Variants in ENTREP3 observed in about 807,000 individuals in gnomAD.
ENTREP3 encodes the protein endosomal transmembrane epsin interactor 3, also known as protein ENTREP3.
chr1:155,253,888 T>G, the ENTREP3 span: 1 of 1,612,800 alleles, frequency 6.2e-7, no homozygotes, highest in Non-Finnish European at 8.5e-7. Context: ...TCATCACAGG[T>G]GGAGTTAGGG....
At chr1:155,254,240 A>T in the ENTREP3 span, 8 of 1,522,310 alleles carry the variant, frequency 5.3e-6, no homozygotes, top group Non-Finnish European at 7.3e-6. The surrounding 1 kb of genome is among the most constrained non-coding windows in gnomAD (Gnocchi z 4.4). Context: ...CCTCATGAGT[A>T]CTCCTCTGCC....
chr1:155,255,108 G>C, the ENTREP3 span: 1 of 593,090 alleles, frequency 1.7e-6, no homozygotes, highest in Non-Finnish European at 3.0e-6. This position sits in a 1 kb window ranked among gnomAD's most constrained non-coding sequence, Gnocchi z 5.6. Context: ...GCACTGGACG[G>C]GCACCGTGCC....
At chr1:155,250,362 T>C in the ENTREP3 span, 1 of 1,316,376 alleles carries the variant, frequency 7.6e-7, no homozygotes, top group Non-Finnish European at 1.0e-6. The surrounding 1 kb of genome is among the most constrained non-coding windows in gnomAD (Gnocchi z 5.4). Flanking sequence ...AGGAGGCCGG[T>C]GCCCCGGTGG....
the ENTREP3 span, chr1:155,251,891 C>T: frequency 1.4e-6 from 2 of 1,451,704 alleles, no homozygotes; most frequent in African/African-American, 2.9e-5. Flanking sequence ...CTGAGACTGA[C>T]CGCTCAGGGG....
the ENTREP3 span, chr1:155,253,575 AC>A: frequency 6.0e-6 from 8 of 1,338,220 alleles, no homozygotes; most frequent in Non-Finnish European, 8.5e-6. Context: ...CAGCACACAC[AC>A]CCCTGCCCCC....
chr1:155,250,433 G>A, the ENTREP3 span: 2 of 1,491,248 alleles, frequency 1.3e-6, no homozygotes, highest in Non-Finnish European at 1.8e-6. This position sits in a 1 kb window ranked among gnomAD's most constrained non-coding sequence, Gnocchi z 5.4. Context: ...GCGGGGCTGC[G>A]GCTGGGCGGC....
At chr1:155,248,299 G>GA in the ENTREP3 span, 1 of 1,605,516 alleles carries the variant, frequency 6.2e-7, no homozygotes. Flanking sequence ...CTTCAGAGCA[G>GA]AGCCCTGCAG....
the ENTREP3 span, chr1:155,247,306 A>G: frequency 1.0e-4 from 46 of 443,450 alleles, no homozygotes; most frequent in Admixed American, 1.0e-3. Flanking sequence ...GGAGCAGGCA[A>G]TTGGGGTTAC....
At chr1:155,248,572 G>A in the ENTREP3 span, 1 of 939,538 alleles carries the variant, frequency 1.1e-6, no homozygotes. Flanking sequence ...AGCTTTCACA[G>A]CTCCCACGCT....
chr1:155,250,982 C>A, the ENTREP3 span: 1 of 1,264,828 alleles, frequency 7.9e-7, no homozygotes, highest in Non-Finnish European at 1.1e-6. The surrounding 1 kb of genome is among the most constrained non-coding windows in gnomAD (Gnocchi z 5.4). Flanking sequence ...CCACAGCCCT[C>A]CTATGTCCCC....
the ENTREP3 span, chr1:155,252,200 C>A: frequency 3.0e-6 from 1 of 336,622 alleles, no homozygotes; most frequent in African/African-American, 2.9e-5. Context: ...TCACCTCCAT[C>A]TAGGACCTTC....
the ENTREP3 span, among the ~76,000 whole-genome samples, chr1:155,249,163 C>T: frequency 1.1e-4 from 17 of 152,050 alleles, no homozygotes; most frequent in Non-Finnish European, 2.2e-4. Context: ...TCTTGGCTCA[C>T]GGCAACCCCT....
chr1:155,253,948 C>G, the ENTREP3 span: 1 of 1,612,940 alleles, frequency 6.2e-7, no homozygotes, highest in East Asian at 2.2e-5. Flanking sequence ...AGGAGGGGAA[C>G]AGAGGGACAG....
the ENTREP3 span, chr1:155,251,644 C>A: frequency 6.2e-7 from 1 of 1,602,770 alleles, no homozygotes; most frequent in Admixed American, 1.7e-5. Context: ...AAATAATTCC[C>A]CCTCCACAAA....
the ENTREP3 span, chr1:155,252,022 C>T: frequency 1.4e-6 from 1 of 731,068 alleles, no homozygotes; most frequent in East Asian, 3.3e-5. Flanking sequence ...CTGAGAGAAG[C>T]TCTTGTTCTG....
the ENTREP3 span, chr1:155,250,985 A>G: frequency 1.6e-6 from 2 of 1,274,416 alleles, no homozygotes; most frequent in Middle Eastern, 1.9e-4. This position sits in a 1 kb window ranked among gnomAD's most constrained non-coding sequence, Gnocchi z 5.4. Flanking sequence ...CAGCCCTCCT[A>G]TGTCCCCAAA....
chr1:155,255,040 G>C, the ENTREP3 span: 1 of 620,002 alleles, frequency 1.6e-6, no homozygotes, highest in Non-Finnish European at 2.8e-6. The surrounding 1 kb of genome is among the most constrained non-coding windows in gnomAD (Gnocchi z 5.6). Flanking sequence ...CCAGCTGTGG[G>C]GGGGGCCAAG....
the ENTREP3 span, chr1:155,248,125 G>A: frequency 6.2e-7 from 1 of 1,614,120 alleles, no homozygotes. Flanking sequence ...GAGTGACCAG[G>A]CCCCGACCTG....
the ENTREP3 span, chr1:155,248,346 GA>G: frequency 1.9e-6 from 3 of 1,613,910 alleles, no homozygotes; most frequent in Non-Finnish European, 2.5e-6. Context: ...GTAGGGTGGA[GA>G]GGGGGCTGGG....
Sources: allele counts gnomAD v4.1 joint callset (sites outside exome capture counted in the v4.1 genomes callset), GRCh38; gene constraint gnomAD v4.1.1; non-coding constraint Gnocchi (gnomAD v3.1); transcripts MANE v1.5; gene names NCBI Gene and HGNC (gene_info 2026-07-23, HGNC 2026-07-21).